CCBE1: variants seen among roughly 807,000 people sequenced by gnomAD.
The protein encoded by CCBE1 is collagen and calcium-binding EGF domain-containing protein 1.
Under a neutral mutation model 50.0 loss-of-function variants are expected in CCBE1, and 37 were observed. The ratio of observed to expected loss-of-function variants is 0.74; its 90% confidence interval spans 0.57 to 0.97. The LOEUF (loss-of-function observed/expected upper bound fraction) is 0.97, where lower values mean the gene tolerates loss of function less well. CCBE1 is among the 50% of genes least tolerant of loss of function. The pLI is 0.00. For synonymous variants in CCBE1, 234 were observed against 203.7 expected (o/e 1.15, Z -1.27); for missense variants, 538 against 523.8 (o/e 1.03, Z -0.26).
chr18:59,474,518 G>T lies in CCBE1; in HGVS notation c.266-4911C>A, dbSNP rs371683436. On this transcript the variant is annotated intron_variant, in intron 3 of 10. Transcript: ENST00000439986. The stretch of plus-strand genomic sequence containing the variant: ...AGAGTGAAGTCATTCTGGAACTCAA[G>T]TGAAGGGAGAAGGCTGAGGGCTTCA... Among the ~76,000 whole-genome samples, 11 of 152,312 alleles carry T rather than the reference G, an allele frequency of 7.2e-5. No individual in the cohort carries two copies. The East Asian group carries it at 1.4e-3, about 19-fold the overall frequency.
At chr18:59,504,127 A>G (rs555306223) in intron 2 of CCBE1, among the ~76,000 whole-genome samples, 55 of 152,348 alleles carry the variant, frequency 3.6e-4, no homozygotes, top group African/African-American at 1.3e-3. Flanking sequence ...ATGATCAAAC[A>G]TCATTGAGTT....
intron 2 of CCBE1, among the ~76,000 whole-genome samples, chr18:59,554,087 G>C (rs1033943931): frequency 2.6e-5 from 4 of 152,224 alleles, no homozygotes; most frequent in Non-Finnish European, 5.9e-5. Flanking sequence ...ACTGCAACCA[G>C]TAATTCCCGG....
chr18:59,608,248 A>T (rs2053527008), intron 2 of CCBE1, among the ~76,000 whole-genome samples: 1 of 152,252 alleles, frequency 6.6e-6, no homozygotes, highest in African/African-American at 2.4e-5. Context: ...GTGTTCAATA[A>T]GCATTAGCTA....
chr18:59,607,837 G>T (rs998607937), intron 2 of CCBE1, among the ~76,000 whole-genome samples: 15 of 152,208 alleles, frequency 9.9e-5, no homozygotes, highest in Non-Finnish European at 1.0e-4. Context: ...CACTTTGGGA[G>T]GCTGAGGCAG....
intron 2 of CCBE1, among the ~76,000 whole-genome samples, chr18:59,569,033 A>G (rs1410438068): frequency 6.6e-6 from 1 of 151,946 alleles, no homozygotes; most frequent in Non-Finnish European, 1.5e-5. Flanking sequence ...TCTCAAACCT[A>G]CTTCCTTTTC....
chr18:59,580,275 C>CT (rs2053063369), intron 2 of CCBE1, among the ~76,000 whole-genome samples: 1 of 152,202 alleles, frequency 6.6e-6, no homozygotes, highest in South Asian at 2.1e-4. Context: ...CCGTTGGCCT[C>CT]TTATCTACCT....
At chr18:59,530,581 T>C (rs1915009244) in intron 2 of CCBE1, among the ~76,000 whole-genome samples, 2 of 152,180 alleles carry the variant, frequency 1.3e-5, no homozygotes, top group Non-Finnish European at 2.9e-5. Flanking sequence ...TTCCCTCCTG[T>C]ACACTGATAA....
At chr18:59,599,499 C>T (rs147469506) in intron 2 of CCBE1, among the ~76,000 whole-genome samples, 136 of 152,190 alleles carry the variant, frequency 8.9e-4, no homozygotes, top group Non-Finnish European at 1.7e-3. Flanking sequence ...TTCCTTAATC[C>T]TCATCACCAC....
chr18:59,657,889 AAACAAC>A (rs142001390), intron 2 of CCBE1, among the ~76,000 whole-genome samples: 12 of 146,332 alleles, frequency 8.2e-5, no homozygotes, highest in African/African-American at 2.7e-4. Flanking sequence ...AAACAACAAC[AAACAAC>A]AACAACAACA....
At chr18:59,567,389 C>T (rs890937763) in intron 2 of CCBE1, among the ~76,000 whole-genome samples, 3 of 152,224 alleles carry the variant, frequency 2.0e-5, no homozygotes, top group African/African-American at 7.2e-5. Context: ...CCGCCTTGGC[C>T]TCCCAAAGTG....
chr18:59,685,324 T>C (rs913719282), intron 2 of CCBE1, among the ~76,000 whole-genome samples: 2 of 152,222 alleles, frequency 1.3e-5, no homozygotes, highest in Admixed American at 1.3e-4. Flanking sequence ...ATCACTTCCC[T>C]GACACCCTCA....
At chr18:59,510,996 C>T (rs1008647162) in intron 2 of CCBE1, among the ~76,000 whole-genome samples, 1 of 152,160 alleles carries the variant, frequency 6.6e-6, no homozygotes, top group Admixed American at 6.5e-5. Context: ...CAGCCCCATT[C>T]AGCTGGCTCT....
intron 2 of CCBE1, among the ~76,000 whole-genome samples, chr18:59,601,968 A>AT (rs1357869059): frequency 6.6e-6 from 1 of 152,168 alleles, no homozygotes; most frequent in African/African-American, 2.4e-5. Context: ...TCAACAACTG[A>AT]TTAGTTAGAA....
At chr18:59,444,557 C>T (rs1318582271) in intron 7 of CCBE1, among the ~76,000 whole-genome samples, 1 of 151,782 alleles carries the variant, frequency 6.6e-6, no homozygotes, top group African/African-American at 2.4e-5. Flanking sequence ...TGCTCTGTCA[C>T]ACAGGCTGGA....
chr18:59,548,504 G>C (rs1915794537), intron 2 of CCBE1, among the ~76,000 whole-genome samples: 1 of 152,112 alleles, frequency 6.6e-6, no homozygotes, highest in Non-Finnish European at 1.5e-5. Context: ...AATTTCCTGT[G>C]ATCTGACAAG....
intron 7 of CCBE1, among the ~76,000 whole-genome samples, chr18:59,446,457 G>A (rs1048019300): frequency 3.4e-4 from 52 of 152,168 alleles, no homozygotes; most frequent in Non-Finnish European, 6.9e-4. Flanking sequence ...GTGTTTGCTG[G>A]TGAAAACTCC....
At chr18:59,558,082 G>A (rs1021919616) in intron 2 of CCBE1, among the ~76,000 whole-genome samples, 2 of 152,206 alleles carry the variant, frequency 1.3e-5, no homozygotes, top group Non-Finnish European at 2.9e-5. Flanking sequence ...TGTATCTTAT[G>A]TCTCCTTTCT....
intron 2 of CCBE1, among the ~76,000 whole-genome samples, chr18:59,534,676 G>A (rs1915179960): frequency 6.6e-6 from 1 of 152,200 alleles, no homozygotes; most frequent in African/African-American, 2.4e-5. Flanking sequence ...CCAGCAGGCT[G>A]TGTTTTCACA....
intron 2 of CCBE1, among the ~76,000 whole-genome samples, chr18:59,527,073 C>T (rs2144342440): frequency 6.6e-6 from 1 of 152,088 alleles, no homozygotes; most frequent in South Asian, 2.1e-4. Flanking sequence ...TTAATTTTCT[C>T]TCGATGATCT....
Sources: allele counts gnomAD v4.1 joint callset (sites outside exome capture counted in the v4.1 genomes callset), GRCh38; gene constraint gnomAD v4.1.1; transcripts MANE v1.5; gene names NCBI Gene and HGNC (gene_info 2026-07-23, HGNC 2026-07-21).